The following PASD1 variants were observed in gnomAD, a reference collection of about 807,000 sequenced individuals.
The protein encoded by PASD1 is PAS domain containing repressor 1, also known as circadian clock protein PASD1.
Under a neutral mutation model 58.8 loss-of-function variants are expected in PASD1, and 13 were observed. The ratio of observed to expected loss-of-function variants is 0.22; its 90% CI spans 0.14 to 0.35. The LOEUF (loss-of-function observed/expected upper bound fraction) is 0.35. PASD1 is among the 10% of genes least tolerant of loss of function. The pLI is 1.00. For synonymous variants in PASD1, 236 were observed against 216.7 expected, an observed-to-expected ratio of 1.09 and a Z score of -0.78; for missense variants, 734 against 568.3, an observed-to-expected ratio of 1.29 and a Z score of -2.96.
chrX:151,571,707 C>G (rs1339830466), intron 1 of PASD1, among the ~76,000 whole-genome samples: 1 of 112,030 alleles, frequency 8.9e-6, no homozygotes. Context: ...AAGTTGATGA[C>G]TTTTCTTTCA....
intron 8 of PASD1, among the ~76,000 whole-genome samples, chrX:151,626,020 T>C (rs1046601268): frequency 8.9e-6 from 1 of 112,082 alleles, no homozygotes; most frequent in African/African-American, 3.2e-5. Flanking sequence ...AATTCACATT[T>C]TTCCAACAGA....
At chrX:151,580,121 C>T (rs1179872511) in intron 1 of PASD1, among the ~76,000 whole-genome samples, 2 of 111,997 alleles carry the variant, frequency 1.8e-5, no homozygotes, top group South Asian at 3.7e-4. Context: ...TTATTTCTCC[C>T]TCTTAGCTTC....
intron 9 of PASD1, among the ~76,000 whole-genome samples, chrX:151,650,873 G>A (rs1004160151): frequency 4.5e-5 from 5 of 111,326 alleles, no homozygotes; most frequent in African/African-American, 1.6e-4. Flanking sequence ...GACTGCCCGA[G>A]TTGAGATTGA....
intron 1 of PASD1, among the ~76,000 whole-genome samples, chrX:151,599,480 CG>C (rs1569402618): frequency 9.1e-6 from 1 of 109,458 alleles, no homozygotes; most frequent in Non-Finnish European, 1.9e-5. Context: ...GGGCGGCTGC[CG>C]GGCGGAGACG....
At chrX:151,665,831 G>A (rs2014369309) in intron 11 of PASD1, among the ~76,000 whole-genome samples, 4 of 108,224 alleles carry the variant, frequency 3.7e-5, no homozygotes, top group African/African-American at 1.3e-4. Flanking sequence ...GTCTCTTCTA[G>A]TCCTGAGTTT....
At chrX:151,581,457 G>T (rs1451506009) in intron 1 of PASD1, among the ~76,000 whole-genome samples, 2 of 108,862 alleles carry the variant, frequency 1.8e-5, no homozygotes, top group African/African-American at 6.7e-5. Flanking sequence ...AGGCATGGTG[G>T]CATGCACCTG....
intron 9 of PASD1, among the ~76,000 whole-genome samples, chrX:151,651,506 C>T (rs994548727): frequency 1.8e-5 from 2 of 111,925 alleles, no homozygotes; most frequent in African/African-American, 6.5e-5. Context: ...GCAGACAACA[C>T]AGAAACAGTC....
intron 10 of PASD1, among the ~76,000 whole-genome samples, chrX:151,661,133 C>T (rs1427908800): frequency 2.9e-5 from 3 of 104,940 alleles, no homozygotes; most frequent in African/African-American, 1.1e-4. Context: ...CCAGCCTGGG[C>T]GACAGAGCAA....
At chrX:151,599,949 C>T (rs776982477) in intron 1 of PASD1, among the ~76,000 whole-genome samples, 12 of 111,944 alleles carry the variant, frequency 1.1e-4, no homozygotes, top group South Asian at 3.7e-4. Context: ...GCCGAGATCA[C>T]GCCACTGCAC....
chrX:151,616,096 G>A (rs917112805), intron 4 of PASD1, among the ~76,000 whole-genome samples: 1 of 112,312 alleles, frequency 8.9e-6, no homozygotes, highest in African/African-American at 3.2e-5. Flanking sequence ...TAAAGTCAGA[G>A]CAGTAACAGG....
At chrX:151,618,111 C>A (rs182485460) in intron 4 of PASD1, among the ~76,000 whole-genome samples, 202 of 111,840 alleles carry the variant, frequency 1.8e-3, no homozygotes, top group Non-Finnish European at 3.3e-3. Flanking sequence ...TACTGTGTGA[C>A]TTTCACTGTC....
At chrX:151,663,274 C>T (rs993657317) in intron 10 of PASD1, among the ~76,000 whole-genome samples, 17 of 112,008 alleles carry the variant, frequency 1.5e-4, no homozygotes, top group African/African-American at 5.5e-4. Context: ...TTCCCTTTTC[C>T]AGAATGTCAT....
intron 9 of PASD1, among the ~76,000 whole-genome samples, chrX:151,653,762 C>CT (rs1400336661): frequency 1.4e-3 from 4 of 2,851 alleles, no homozygotes; most frequent in African/African-American, 2.3e-3. Flanking sequence ...TTCTTTCTTT[C>CT]TTTCTTTCTT....
chrX:151,643,638 A>G (rs1048530077), intron 8 of PASD1, among the ~76,000 whole-genome samples: 2 of 111,924 alleles, frequency 1.8e-5, no homozygotes, highest in African/African-American at 6.5e-5. Flanking sequence ...GACGTGTGAC[A>G]TGACAAAATC....
At chrX:151,620,428 G>A (rs1296003657) in intron 4 of PASD1, among the ~76,000 whole-genome samples, 1 of 56,287 alleles carries the variant, frequency 1.8e-5, no homozygotes, top group African/African-American at 3.9e-5. Context: ...GGTGTCAGAT[G>A]TTGACATTTC....
Position 151,625,968 on chromosome X carries a change from A to C in PASD1, c.629+438A>C, listed in dbSNP as rs150981628. On this transcript the variant is annotated intron_variant, in intron 8 of 15. Coordinates refer to ENST00000370357, the MANE Select transcript of PASD1 (RefSeq NM_173493.3). ...TCTCTAAATAAATAAATAAAACCAGAATAGCAGTCTACTAGTCTGAACTTC... is the reference window on the plus strand; with the variant it reads ...TCTCTAAATAAATAAATAAAACCAGCATAGCAGTCTACTAGTCTGAACTTC... Among the ~76,000 whole-genome samples, 639 of 111,526 alleles carry C rather than the reference A, an allele frequency of 5.7e-3. 7 individuals carry two copies. Among genetic ancestry groups the C allele is most frequent in the African/African-American group, 0.019 (598 of 30,686 alleles).
chrX:151,642,163 C>A (rs1020896212), intron 8 of PASD1, among the ~76,000 whole-genome samples: 2 of 112,017 alleles, frequency 1.8e-5, no homozygotes, highest in African/African-American at 6.5e-5. Flanking sequence ...AGCTTCAGGT[C>A]CATCAAGATC....
intron 1 of PASD1, among the ~76,000 whole-genome samples, chrX:151,594,939 C>G (rs963907883): frequency 9.0e-6 from 1 of 111,659 alleles, no homozygotes; most frequent in African/African-American, 3.3e-5. Flanking sequence ...TTCCAACCCC[C>G]CCTTCCCAGC....
intron 13 of PASD1, 99 bp from the exon 14 acceptor site, chrX:151,672,084 C>A: frequency 9.2e-7 from 1 of 1,086,803 alleles, no homozygotes; most frequent in South Asian, 2.4e-5. Context: ...CAACTGTTGT[C>A]ACCTTTTGCT....
Sources: gnomAD v4.1 joint callset for allele counts (sites outside exome capture counted in the v4.1 genomes callset) on GRCh38, gnomAD v4.1.1 for gene constraint, MANE v1.5 for transcripts, NCBI Gene and HGNC (gene_info 2026-07-23, HGNC 2026-07-21) for gene names.